USP34: variants seen among roughly 807,000 people sequenced by gnomAD.
The protein encoded by USP34 is ubiquitin carboxyl-terminal hydrolase 34.
In USP34, 70 loss-of-function variants were observed where a neutral mutation model predicts 460.3. The ratio of observed to expected loss-of-function variants is 0.15; its 90% CI spans 0.13 to 0.19. The LOEUF (loss-of-function observed/expected upper bound fraction) is 0.19. Ranked by LOEUF, USP34 falls within the 10% of genes least tolerant of loss-of-function variation. The pLI is 1.00. For synonymous variants in USP34, 1,647 were observed against 1,405.3 expected (o/e 1.17, Z -3.85); for missense variants, 3,985 against 4,236.2 (o/e 0.94, Z 1.65).
intron 20 of USP34, among the ~76,000 whole-genome samples, chr2:61,328,434 T>C (rs887878341): frequency 1.3e-5 from 2 of 152,154 alleles, no homozygotes. Context: ...TTCAGAACTT[T>C]CCTATTTTAA....
chr2:61,294,552 G>A (rs1006649461), intron 32 of USP34, among the ~76,000 whole-genome samples: 1 of 151,928 alleles, frequency 6.6e-6, no homozygotes, highest in Non-Finnish European at 1.5e-5. Context: ...CTGGGTAGCT[G>A]GGATTATGGG....
chr2:61,279,083 G>A lies in USP34; in HGVS notation c.5257-640C>T, dbSNP rs995110164. ...ATCAGATTCCTATTTTAGCTCAAAT[G>A]GGCAAGCCCAGGTTGTTTTTTTTTT... On this transcript the variant is annotated intron_variant, in intron 39 of 79. Coordinates refer to ENST00000398571, the MANE Select transcript of USP34 (RefSeq NM_014709.4). Among the ~76,000 whole-genome samples, 9 of 151,114 alleles carry A rather than the reference G, an allele frequency of 6.0e-5. No individual in the cohort carries two copies. The East Asian group carries it at 1.2e-3, about 20-fold the overall frequency.
chr2:61,298,734 G>C lies in USP34; in HGVS notation c.4129-1809C>G, dbSNP rs931991250. ...TCTAAATTTTGTTTCTAAAAGCCCA[G>C]AAAAGAGCTCATTTTGCTGCTTAAA... is the stretch of plus-strand genomic sequence containing the variant. On this transcript the variant is annotated intron_variant, in intron 29 of 79. Transcript: ENST00000398571. Among the ~76,000 whole-genome samples, 6 of 150,212 alleles carry C rather than the reference G, an allele frequency of 4.0e-5. 1 individual carries two copies. Among genetic ancestry groups the C allele is most frequent in the African/African-American group, 1.2e-4 (5 of 40,758 alleles).
intron 32 of USP34, among the ~76,000 whole-genome samples, chr2:61,294,612 G>A (rs980090370): frequency 6.6e-5 from 10 of 152,102 alleles, no homozygotes; most frequent in African/African-American, 2.4e-4. Context: ...TAGAGACACG[G>A]GTTTTACCAT....
At position 61,453,257 on chromosome 2, in the gene USP34, C is replaced by A. The variant is rs928204620; in HGVS notation, c.43+17393G>T. Among the ~76,000 whole-genome samples, 10 of 150,512 alleles carry A rather than the reference C, an allele frequency of 6.6e-5. No individual in the cohort carries two copies. In the East Asian group the frequency reaches 9.9e-4, roughly 15 times the overall value. ...GAAACCCCATCTGTACTAAAAATAC[C>A]AAAAACATTAGCCAAGTGTGGTGGC... On this transcript the variant is annotated intron_variant, in intron 1 of 79. Transcript: ENST00000398571.
chr2:61,432,628 C>T (rs1282103311), intron 1 of USP34, among the ~76,000 whole-genome samples: 1 of 152,104 alleles, frequency 6.6e-6, no homozygotes, highest in East Asian at 1.9e-4. Context: ...TTTTTAAATG[C>T]TAAATGGTTA....
chr2:61,305,521 A>T (rs1200331629), intron 27 of USP34, among the ~76,000 whole-genome samples: 2 of 152,162 alleles, frequency 1.3e-5, no homozygotes, highest in African/African-American at 2.4e-5. Context: ...AAAGAAAAGG[A>T]ACAGTGCCTT....
intron 6 of USP34, among the ~76,000 whole-genome samples, chr2:61,381,476 C>A (rs1692973172): frequency 6.6e-6 from 1 of 152,006 alleles, no homozygotes; most frequent in Non-Finnish European, 1.5e-5. Context: ...GTAGCTGGGA[C>A]TATAGAAGCA....
chr2:61,244,619 CAAAAAA>C (rs61343219), intron 51 of USP34, among the ~76,000 whole-genome samples: 1 of 122,752 alleles, frequency 8.1e-6, no homozygotes, highest in Non-Finnish European at 1.7e-5. Context: ...GACTTGGGGG[CAAAAAA>C]AAAAAAAAAA....
intron 58 of USP34, among the ~76,000 whole-genome samples, chr2:61,231,284 T>G (rs1021480116): frequency 1.3e-5 from 2 of 150,690 alleles, no homozygotes; most frequent in African/African-American, 4.9e-5. Context: ...GGGTATAGGG[T>G]TTTTTTTTGG....
intron 1 of USP34, among the ~76,000 whole-genome samples, chr2:61,449,426 G>C (rs895046302): frequency 6.6e-6 from 1 of 151,280 alleles, no homozygotes; most frequent in Non-Finnish European, 1.5e-5. Context: ...CAGAATTCCA[G>C]CTGGCATCTT....
At chr2:61,423,946 A>G (rs978915281) in intron 1 of USP34, among the ~76,000 whole-genome samples, 5 of 152,198 alleles carry the variant, frequency 3.3e-5, no homozygotes, top group Non-Finnish European at 7.3e-5. Context: ...ACAGGGCAAG[A>G]TCCTGTCTCT....
rs756181524 is a variant in USP34, at chr2:61,470,739, T to G, written c.-47A>C. On this transcript the variant is annotated 5_prime_UTR_variant, in exon 1 of 80. Transcript: ENST00000398571. The stretch of plus-strand genomic sequence containing the variant: ...CTCCCCCGCTTCGGATCACACTGAC[T>G]GATCCCGACCGGCGGGGGGGAGGGG... The G allele has an allele frequency of 1.3e-6, 2 of 1,517,100 alleles. No homozygotes were observed. The highest frequency in any genetic ancestry group is 1.8e-5 in the Admixed American group (1 of 55,390). 94.0% of individuals were successfully genotyped at this position (1,517,100 alleles called of 1,614,324 possible). A position where few individuals can be genotyped will look rare whatever the true frequency, so the allele number is the denominator to read the frequency against.
chr2:61,441,158 G>T (rs1553392011), intron 1 of USP34, among the ~76,000 whole-genome samples: 1 of 148,384 alleles, frequency 6.7e-6, no homozygotes, highest in African/African-American at 2.5e-5. Flanking sequence ...TTTTTTTTTG[G>T]ACTCAGAGTC....
At chr2:61,454,028 A>G (rs902529243) in intron 1 of USP34, among the ~76,000 whole-genome samples, 3 of 152,204 alleles carry the variant, frequency 2.0e-5, no homozygotes, top group Non-Finnish European at 4.4e-5. Flanking sequence ...ACATATTCAC[A>G]GAAGACAGCT....
chr2:61,258,806 G>A (rs185046977), intron 44 of USP34, among the ~76,000 whole-genome samples: 2 of 152,130 alleles, frequency 1.3e-5, no homozygotes, highest in Non-Finnish European at 2.9e-5. Flanking sequence ...TTGTAATTAA[G>A]GGATACTAAG....
At chr2:61,434,459 T>C (rs965638426) in intron 1 of USP34, among the ~76,000 whole-genome samples, 1 of 152,186 alleles carries the variant, frequency 6.6e-6, no homozygotes, top group Non-Finnish European at 1.5e-5. Context: ...CCTGTGCTCC[T>C]GGCCAGAGTA....
Position 61,295,192 on chromosome 2 carries a change from A to G in USP34, c.4353T>C (p.Asn1451=), listed in dbSNP as rs558998421. The part of the protein sequence containing the change: ...LEIIEALGKP[N]RRIRRESTGS... Reference sequence around the variant, plus strand: ...CCGTAGACTCCCTCCTTATTCTTCTATTAGGTTTTCCCAGTGCTTCAATAA... The same window carrying G: ...CCGTAGACTCCCTCCTTATTCTTCTGTTAGGTTTTCCCAGTGCTTCAATAA... Residue 1451 remains asparagine (N), a synonymous_variant, in exon 31 of 80, where the codon AAT becomes AAC. Transcript: ENST00000398571. 5 of 1,611,476 alleles carry G rather than the reference A, an allele frequency of 3.1e-6. No individual in the cohort carries two copies. Among genetic ancestry groups the G allele is most frequent in the Admixed American group, 3.4e-5 (2 of 59,556 alleles).
chr2:61,248,007 C>T (rs1198305030), intron 49 of USP34, among the ~76,000 whole-genome samples: 4 of 151,840 alleles, frequency 2.6e-5, no homozygotes, highest in Non-Finnish European at 5.9e-5. Context: ...GCCAACACGG[C>T]GAAACCTTGT....
Sources: allele counts gnomAD v4.1 joint callset (sites outside exome capture counted in the v4.1 genomes callset), GRCh38; gene constraint gnomAD v4.1.1; transcripts MANE v1.5; gene names NCBI Gene and HGNC (gene_info 2026-07-23, HGNC 2026-07-21).